ERC1: variants seen among roughly 807,000 people sequenced by gnomAD.
ERC1 encodes the protein RAB6 interacting protein 2.
A neutral mutation model predicts 132.0 loss-of-function variants in ERC1; 56 were observed. The observed-to-expected ratio is 0.42, with a 90% CI of 0.34 to 0.53. The LOEUF (loss-of-function observed/expected upper bound fraction) is 0.53, where lower values mean the gene tolerates loss of function less well. Ranked by LOEUF, ERC1 falls within the 20% of genes least tolerant of loss-of-function variation. The pLI is 0.03. For synonymous variants in ERC1, 478 were observed against 476.1 expected, an observed-to-expected ratio of 1.00 and a Z score of -0.05; for missense variants, 1,202 against 1,349.9, an observed-to-expected ratio of 0.89 and a Z score of 1.72.
At chr12:1,429,226 G>A (rs932524419) in intron 17 of ERC1, among the ~76,000 whole-genome samples, 1 of 152,218 alleles carries the variant, frequency 6.6e-6, no homozygotes, top group Non-Finnish European at 1.5e-5. Flanking sequence ...TAGATTGTCT[G>A]TGTCTTCATG....
chr12:1,351,080 C>T (rs1164041177), intron 15 of ERC1, among the ~76,000 whole-genome samples: 5 of 152,196 alleles, frequency 3.3e-5, no homozygotes, highest in African/African-American at 1.2e-4. Context: ...CCTCCCAACA[C>T]CATCATACTG....
chr12:1,375,733 C>CTTTTTTTTTT (rs35535185), intron 16 of ERC1, among the ~76,000 whole-genome samples: 3 of 107,114 alleles, frequency 2.8e-5, no homozygotes, highest in African/African-American at 4.2e-5. Context: ...GCTCTTGTTC[C>CTTTTTTTTTT]TTTTTTTTTT....
chr12:1,438,804 A>G (rs1030045732), intron 17 of ERC1, among the ~76,000 whole-genome samples: 1 of 151,962 alleles, frequency 6.6e-6, no homozygotes, highest in Non-Finnish European at 1.5e-5. Flanking sequence ...TTAGCCGGGT[A>G]TGGTGGTGCA....
chr12:1,070,795 A>G (rs934414618), intron 2 of ERC1, among the ~76,000 whole-genome samples: 4 of 152,204 alleles, frequency 2.6e-5, no homozygotes, highest in Non-Finnish European at 4.4e-5. Context: ...GTAATCCACA[A>G]TTCTGTCAAG....
chr12:1,457,361 C>T (rs1196570907), intron 18 of ERC1, among the ~76,000 whole-genome samples: 1 of 152,190 alleles, frequency 6.6e-6, no homozygotes, highest in East Asian at 1.9e-4. Flanking sequence ...CCTCATGGGT[C>T]CTCATAAAGA....
chr12:1,257,708 T>C (rs1431271727), intron 13 of ERC1, among the ~76,000 whole-genome samples: 8 of 152,206 alleles, frequency 5.3e-5, no homozygotes, highest in Admixed American at 5.2e-4. Context: ...TAGCCTTTTA[T>C]AGATTTATTT....
intron 15 of ERC1, among the ~76,000 whole-genome samples, chr12:1,302,192 C>T (rs2080455007): frequency 6.6e-6 from 1 of 152,106 alleles, no homozygotes; most frequent in Admixed American, 6.5e-5. Flanking sequence ...AAGGTTTGTT[C>T]AGTATTCAAA....
intron 1 of ERC1, among the ~76,000 whole-genome samples, chr12:1,007,493 TTTCTCTCTCTC>T (rs1963883178): frequency 7.3e-6 from 1 of 137,742 alleles, no homozygotes; most frequent in Admixed American, 7.1e-5. Context: ...TCTCTCTCTC[TTTCTCTCTCTC>T]TCACTGGGTA....
intron 18 of ERC1, among the ~76,000 whole-genome samples, chr12:1,456,271 T>A (rs544614612): frequency 6.6e-6 from 1 of 152,350 alleles, no homozygotes; most frequent in African/African-American, 2.4e-5. Context: ...AGTCAGATAG[T>A]CTGATTAAAT....
intron 2 of ERC1, among the ~76,000 whole-genome samples, chr12:1,044,181 C>T (rs1054809594): frequency 6.6e-6 from 1 of 152,182 alleles, no homozygotes; most frequent in Non-Finnish European, 1.5e-5. Flanking sequence ...GGTGTGTAGC[C>T]ATGGCAGTAT....
intron 17 of ERC1, among the ~76,000 whole-genome samples, chr12:1,422,745 C>A (rs1180360197): frequency 2.0e-5 from 3 of 152,106 alleles, no homozygotes; most frequent in African/African-American, 4.8e-5. Flanking sequence ...TATGATAGTT[C>A]TATTTTAGTT....
At chr12:1,249,389 C>T (rs1202376459) in intron 13 of ERC1, among the ~76,000 whole-genome samples, 13 of 152,312 alleles carry the variant, frequency 8.5e-5, no homozygotes. Context: ...CTCTTGAAAG[C>T]CTACCCATCT....
At chr12:1,415,129 C>A (rs1379507505) in intron 17 of ERC1, among the ~76,000 whole-genome samples, 1 of 152,224 alleles carries the variant, frequency 6.6e-6, no homozygotes, top group Admixed American at 6.5e-5. Flanking sequence ...ATTCTGAAAT[C>A]TTTTTCATTT....
chr12:1,356,184 A>G (rs58191781), intron 15 of ERC1, among the ~76,000 whole-genome samples: 9,841 of 145,326 alleles, frequency 0.068, 601 homozygotes, highest in African/African-American at 0.17. Flanking sequence ...TGCCTAGGTG[A>G]CAAAGTGAGA....
At chr12:1,073,528 A>T (rs12817140) in intron 2 of ERC1, among the ~76,000 whole-genome samples, 28,293 of 151,142 alleles carry the variant, frequency 0.19, 3,340 homozygotes, top group Non-Finnish European at 0.25. Flanking sequence ...GTACACCTGT[A>T]ATCCCAGCCA....
intron 14 of ERC1, among the ~76,000 whole-genome samples, chr12:1,264,937 A>C (rs1378590760): frequency 2.0e-5 from 3 of 152,222 alleles, no homozygotes; most frequent in African/African-American, 7.2e-5. Context: ...TGTGTGAGAT[A>C]GAAAGATATG....
At chr12:1,047,027 C>G (rs1031132486) in intron 2 of ERC1, among the ~76,000 whole-genome samples, 1 of 152,196 alleles carries the variant, frequency 6.6e-6, no homozygotes. Flanking sequence ...TTAATTACTT[C>G]ATGATGCATG....
At chr12:1,467,286 C>G (rs2093762675) in intron 18 of ERC1, among the ~76,000 whole-genome samples, 1 of 152,018 alleles carries the variant, frequency 6.6e-6, no homozygotes, top group South Asian at 2.1e-4. Context: ...AATGAGGCAT[C>G]TCTCTGAGGC....
At chr12:1,383,078 C>T (rs2088882890) in intron 16 of ERC1, among the ~76,000 whole-genome samples, 1 of 152,166 alleles carries the variant, frequency 6.6e-6, no homozygotes, top group Non-Finnish European at 1.5e-5. Context: ...TCATTTCCAG[C>T]ATCAAATCTA....
Sources: gnomAD v4.1 joint callset for allele counts (sites outside exome capture counted in the v4.1 genomes callset) on GRCh38, gnomAD v4.1.1 for gene constraint, MANE v1.5 for transcripts, NCBI Gene and HGNC (gene_info 2026-07-23, HGNC 2026-07-21) for gene names.